Variants in LPCAT4 observed in about 807,000 individuals in gnomAD.
LPCAT4 encodes the protein lysophosphatidylcholine acyltransferase 4, also known as lysophospholipid acyltransferase LPCAT4.
A neutral mutation model predicts 66.5 loss-of-function variants in LPCAT4; 30 were observed. The observed-to-expected ratio is 0.45, with a 90% CI of 0.34 to 0.61. The LOEUF is 0.61. Ranked by LOEUF, LPCAT4 falls within the 20% of genes least tolerant of loss-of-function variation. LPCAT4 has a pLI of 0.01. For missense variants in LPCAT4, 557 were observed against 656.7 expected, an observed-to-expected ratio of 0.85 and a Z score of 1.66; for synonymous variants, 253 against 262.1, an observed-to-expected ratio of 0.97 and a Z score of 0.34.
chr15:34,362,856 G>A lies in LPCAT4; in HGVS notation c.747-20C>T, dbSNP rs369514140. 183 of 1,612,652 alleles carry A rather than the reference G, an allele frequency of 1.1e-4. No individual in the cohort carries two copies. The highest frequency in any genetic ancestry group is 3.9e-4 in the African/African-American group (29 of 74,990). On this transcript the variant is annotated intron_variant, in intron 7 of 13. Coordinates refer to ENST00000314891, the MANE Select transcript of LPCAT4 (RefSeq NM_153613.3). ...TTGAGTCTAAGAGAAGAGAGATTTC[G>A]ATACTCACCAATCTCTAACTATGGG...
rs769558991 is a variant in LPCAT4 at position 34,362,275 on chromosome 15, G to T, written c.931C>A (p.Pro311Thr). The change falls in exon 10 of 14, where the codon CCT becomes ACT. Residue 311 changes from proline to threonine, a missense_variant. Physicochemically the swap from Pro to Thr is conservative, Grantham distance 38. This residue lies in a region of LPCAT4 where 392 missense variants were observed against 473.9 expected (regional missense o/e 0.83). Transcript: ENST00000314891. Reference protein sequence around the residue: ...ATECEFVGSLPVIVVGRLKVA... With the variant: ...ATECEFVGSLTVIVVGRLKVA... ...TTCAGCCGGCCCACCACAATCACAGGTAAGCTCCCTACAAACTCACATTCG... is the reference window on the plus strand; with the variant it reads ...TTCAGCCGGCCCACCACAATCACAGTTAAGCTCCCTACAAACTCACATTCG... 2 of 1,614,018 alleles carry T rather than the reference G, an allele frequency of 1.2e-6. No homozygotes were observed. Among genetic ancestry groups the T allele is most frequent in the Non-Finnish European group, 1.7e-6 (2 of 1,180,018 alleles).
intron 1 of LPCAT4, among the ~76,000 whole-genome samples, chr15:34,366,541 G>A (rs932223948): frequency 1.4e-4 from 21 of 152,186 alleles, no homozygotes; most frequent in Middle Eastern, 3.4e-3. Flanking sequence ...TGTAGGAAGG[G>A]CACAGGGTCG....
Position 34,359,594 on chromosome 15 carries a change from G to A in LPCAT4, c.1394C>T (p.Ser465Phe), listed in dbSNP as rs1327069113. 7 of 1,612,054 alleles carry A rather than the reference G, an allele frequency of 4.3e-6. No individual in the cohort carries two copies. The highest frequency in any genetic ancestry group is 5.9e-6 in the Non-Finnish European group (7 of 1,179,750). Residue 465 changes from serine (S) to phenylalanine (F), a missense_variant, in exon 13 of 14, where the codon TCC becomes TTC. By Grantham distance (155) the Ser-to-Phe change is radical. Around this residue, in one of 4 missense-constraint regions of LPCAT4, gnomAD observed 392 missense variants for 473.9 expected, o/e 0.83. Transcript: ENST00000314891. ...LCQAGSSQGLSLCQFQNFSLH... is the reference protein window; with the variant it reads ...LCQAGSSQGLFLCQFQNFSLH... ...CTGAGAAGGCAGTGACTCACAGAGGGAGAGGCCTTGGCTGGATCCTGCCTG... is the reference window on the plus strand; with the variant it reads ...CTGAGAAGGCAGTGACTCACAGAGGAAGAGGCCTTGGCTGGATCCTGCCTG...
chr15:34,365,124 G>T lies in LPCAT4; in HGVS notation c.362C>A (p.Ala121Asp). ...GTGTGGGGCAGCAACAAGGACAGGG[G>T]CTTGAAGGCGAGAGGCTCGCTGGCC... ...VRGQRASRLQAPVLVAAPHST... is the reference protein window; with the variant it reads ...VRGQRASRLQDPVLVAAPHST... Residue 121 changes from alanine to aspartate, a missense_variant, in exon 3 of 14, where the codon GCC becomes GAC. This residue lies in a region of LPCAT4 where 65 missense variants were observed against 83.5 expected (regional missense o/e 0.78). Transcript: ENST00000314891. 1 of 1,614,242 alleles carries T rather than the reference G, an allele frequency of 6.2e-7. No homozygotes were observed. Among genetic ancestry groups the T allele is most frequent in the Non-Finnish European group, 8.5e-7 (1 of 1,180,046 alleles).
rs913537430 is a variant in LPCAT4 at position 34,363,318 on chromosome 15, G to T, written c.746+104C>A. On this transcript the variant is annotated intron_variant, in intron 7 of 13. Coordinates refer to ENST00000314891, the MANE Select transcript of LPCAT4 (RefSeq NM_153613.3). This position sits in a 1 kb window ranked among gnomAD's most constrained non-coding sequence, Gnocchi z 4.3. The stretch of plus-strand genomic sequence containing the variant: ...TCCTCTAGAGTTCTCTCAGTCCTCA[G>T]ATGAAGAAGGGCCATTCACCTTGTC... 7 of 1,250,372 alleles carry T rather than the reference G, an allele frequency of 5.6e-6. No homozygotes were observed. Among genetic ancestry groups the T allele is most frequent in the Non-Finnish European group, 8.0e-6 (7 of 877,952 alleles). The allele number at this position is 1,250,372 out of a possible 1,614,324, so 77.5% of individuals were successfully genotyped here. A position where few individuals can be genotyped will look rare whatever the true frequency, so the allele number is the denominator to read the frequency against.
intron 3 of LPCAT4, 77 bp downstream of exon 3, chr15:34,364,931 C>A: frequency 8.0e-7 from 1 of 1,254,196 alleles, no homozygotes; most frequent in South Asian, 1.4e-5. Flanking sequence ...GCCAGTTCTT[C>A]ACTCCAGTGT....
At position 34,359,158 on chromosome 15, in the gene LPCAT4, G is replaced by C. The variant is rs868199789; in HGVS notation, c.1544C>G (p.Thr515Ser). 7 of 1,607,014 alleles carry C rather than the reference G, an allele frequency of 4.4e-6. No homozygotes were observed. In the Middle Eastern group the frequency reaches 1.3e-3, roughly 300 times the overall value. ...PGNPTALANG[T>S]VQAPKQKGD Reference sequence around the variant, plus strand: ...TCCCTTCTGCTTGGGTGCTTGCACAGTCCCATTGGCCAGAGCAGTGGGGTT... The same window carrying C: ...TCCCTTCTGCTTGGGTGCTTGCACACTCCCATTGGCCAGAGCAGTGGGGTT... Residue 515 changes from threonine (T) to serine (S), a missense_variant, in exon 14 of 14, where the codon ACT (threonine) becomes AGT (serine). Around this residue, in one of 4 missense-constraint regions of LPCAT4, gnomAD observed 392 missense variants for 473.9 expected, o/e 0.83. Transcript: ENST00000314891.
Position 34,362,248 on chromosome 15 carries a change from C to A in LPCAT4, c.958G>T (p.Val320Leu), listed in dbSNP as rs1044250989. Reference protein sequence around the residue: ...LPVIVVGRLKVALEPQLWELG... With the variant: ...LPVIVVGRLKLALEPQLWELG... ...TCCCAGAGCTGTGGTTCCAACGCCA[C>A]CTTCAGCCGGCCCACCACAATCACA... The change falls in exon 10 of 14, where the codon GTG (valine) becomes TTG (leucine). Residue 320 changes from valine to leucine, a missense_variant. By Grantham distance (32) the Val-to-Leu change is conservative (BLOSUM62 1). Around this residue, in one of 4 missense-constraint regions of LPCAT4, gnomAD observed 392 missense variants for 473.9 expected, o/e 0.83. Coordinates refer to ENST00000314891, the MANE Select transcript of LPCAT4 (RefSeq NM_153613.3). 1 of 1,614,106 alleles carries A rather than the reference C, an allele frequency of 6.2e-7. No homozygotes were observed. Among genetic ancestry groups the A allele is most frequent in the African/African-American group, 1.3e-5 (1 of 75,010 alleles).
intron 1 of LPCAT4, 31 bp downstream of exon 1, chr15:34,366,956 G>T (rs1891092229): frequency 6.5e-6 from 10 of 1,539,210 alleles, no homozygotes; most frequent in Non-Finnish European, 6.1e-6. Context: ...ATCCTCACGG[G>T]TCCTTCCGAC....
intron 3 of LPCAT4, 67 bp from the exon 4 acceptor site, chr15:34,364,373 C>T (rs1360125379): frequency 2.3e-6 from 2 of 875,866 alleles, no homozygotes; most frequent in Non-Finnish European, 1.9e-6. Flanking sequence ...CATCTGCAGC[C>T]TCCACTTCCT....
chr15:34,361,695 T>TTTCTG (rs1293767271), intron 10 of LPCAT4, among the ~76,000 whole-genome samples, 163 bp from the exon 11 acceptor site: 1 of 151,924 alleles, frequency 6.6e-6, no homozygotes, highest in East Asian at 1.9e-4. Flanking sequence ...TTCTTACTTT[T>TTTCTG]TTCTTTTCTT....
In LPCAT4 at chr15:34,363,800, C is replaced by T; in HGVS notation, c.653-81G>A. The T allele has an allele frequency of 6.6e-7, 1 of 1,510,180 alleles. No individual in the cohort carries two copies. Among genetic ancestry groups the T allele is most frequent in the Non-Finnish European group, 9.2e-7 (1 of 1,086,500 alleles). The allele number at this position is 1,510,180 out of a possible 1,614,324, so 93.5% of individuals were successfully genotyped here. A position where few individuals can be genotyped will look rare whatever the true frequency, so the allele number is the denominator to read the frequency against. ...GCTAGAGGGCATGAGGTATGGCAGT[C>T]TGGGACAGTTCTCAAATGAGATATG... On this transcript the variant is annotated intron_variant, in intron 5 of 13. Transcript: ENST00000314891. The surrounding 1 kb of genome is among the most constrained non-coding windows in gnomAD (Gnocchi z 4.3).
At position 34,362,832 on chromosome 15, in the gene LPCAT4, T is replaced by C. The variant is rs376773943; in HGVS notation, c.751A>G (p.Lys251Glu). 1.2e-6 allele frequency: 2 copies of C among 1,614,140 alleles called. No homozygotes were observed. ...TGAGAGGCTGTGAGCCAGAGGACTTTGAGTCTAAGAGAAGAGAGATTTCGA... is the reference window on the plus strand; with the variant it reads ...TGAGAGGCTGTGAGCCAGAGGACTTCGAGTCTAAGAGAAGAGAGATTTCGA... Reference protein sequence around the residue: ...SWAWRGPGVLKVLWLTASQPC... With the variant: ...SWAWRGPGVLEVLWLTASQPC... Residue 251 changes from lysine to glutamate, a missense_variant, in exon 8 of 14, where the codon AAA (lysine) becomes GAA (glutamate). Physicochemically the swap from Lys to Glu is moderately conservative, Grantham distance 56 (BLOSUM62 1). Around this residue, in one of 4 missense-constraint regions of LPCAT4, gnomAD observed 392 missense variants for 473.9 expected, o/e 0.83. Coordinates refer to ENST00000314891, the MANE Select transcript of LPCAT4 (RefSeq NM_153613.3).
Position 34,366,953 on chromosome 15 carries a change from C to T in LPCAT4, c.114+34G>A, listed in dbSNP as rs1293297730. 5.9e-6 allele frequency: 9 copies of T among 1,527,318 alleles called. No individual in the cohort carries two copies. In the East Asian group the frequency reaches 2.0e-4, roughly 34 times the overall value. The allele number at this position is 1,527,318 out of a possible 1,614,324, so 94.6% of individuals were successfully genotyped here. A position where few individuals can be genotyped will look rare whatever the true frequency, so the allele number is the denominator to read the frequency against. On this transcript the variant is annotated intron_variant, in intron 1 of 13. Transcript: ENST00000314891. The stretch of plus-strand genomic sequence containing the variant: ...AAATGGCCCCATTTTCCTATCCTCA[C>T]GGGTCCTTCCGACGCCCGCTCCCCA...
Position 34,366,994 on chromosome 15 carries a change from C to G in LPCAT4, c.107G>C (p.Arg36Thr). 6.4e-7 allele frequency: 1 copy of G among 1,560,960 alleles called. No individual in the cohort carries two copies. Among genetic ancestry groups the G allele is most frequent in the Non-Finnish European group, 8.7e-7 (1 of 1,150,764 alleles). The change falls in exon 1 of 14, where the codon AGG becomes ACG. Residue 36 changes from arginine (R) to threonine (T), a missense_variant. Physicochemically the swap from Arg to Thr is moderately conservative, Grantham distance 71 (BLOSUM62 -1). Coordinates refer to ENST00000314891, the MANE Select transcript of LPCAT4 (RefSeq NM_153613.3). Reference protein sequence around the residue: ...VHELHLSRLQRVKFCLLGALL... With the variant: ...VHELHLSRLQTVKFCLLGALL... ...CCGCTCCCCACACATTACCTTAACC[C>G]TCTGGAGGCGAGAGAGATGTAACTC...
intron 1 of LPCAT4, 97 bp from the exon 2 acceptor site, chr15:34,365,798 A>G: frequency 7.0e-7 from 1 of 1,421,574 alleles, no homozygotes; most frequent in Non-Finnish European, 9.6e-7. Flanking sequence ...GCAGACAGCC[A>G]TCATCCCTTG....
intron 4 of LPCAT4, 51 bp downstream of exon 4, chr15:34,364,143 T>A: frequency 1.9e-6 from 3 of 1,594,014 alleles, no homozygotes; most frequent in Non-Finnish European, 2.6e-6. Context: ...AAGGGAAGCC[T>A]CTTCAGGAGC....
chr15:34,365,395 A>C (rs1309893435), intron 2 of LPCAT4, 164 bp downstream of exon 2: 12 of 1,157,396 alleles, frequency 1.0e-5, no homozygotes, highest in Non-Finnish European at 1.3e-5. Context: ...CACATTACTT[A>C]GAGGTGAGGT....
intron 4 of LPCAT4, 31 bp downstream of exon 4, chr15:34,364,162 AG>A (rs1311532478): frequency 8.2e-6 from 13 of 1,591,368 alleles, no homozygotes; most frequent in African/African-American, 4.0e-5. Flanking sequence ...GCACATGGAA[AG>A]TGAGAAGATG....
Sources: gnomAD v4.1 joint callset for allele counts (sites outside exome capture counted in the v4.1 genomes callset) on GRCh38, gnomAD v4.1.1 for gene constraint, gnomAD v4.1.1 regional missense constraint, Gnocchi (gnomAD v3.1) non-coding constraint, MANE v1.5 for transcripts, NCBI Gene and HGNC (gene_info 2026-07-23, HGNC 2026-07-21) for gene names.